The following CCDC146 variants were observed in gnomAD, a reference collection of about 807,000 sequenced individuals.
CCDC146 encodes the protein coiled-coil domain-containing protein 146.
Under a neutral mutation model 119.3 loss-of-function variants are expected in CCDC146, and 92 were observed. The observed-to-expected ratio is 0.77, with a 90% CI of 0.65 to 0.92. The LOEUF is 0.92. Among genes scored for constraint, CCDC146 ranks in the 40% least tolerant of loss-of-function variants. The probability of loss-of-function intolerance (pLI) is 0.00; values close to 1 mark genes in which losing one functional copy is unlikely to be tolerated. For missense variants in CCDC146, 1,000 were observed against 1,103.0 expected (o/e 0.91, Z 1.32); for synonymous variants, 372 against 371.8 (o/e 1.00, Z -0.01).
At chr7:77,192,946 A>T (rs1791798138) in intron 2 of CCDC146, among the ~76,000 whole-genome samples, 1 of 151,290 alleles carries the variant, frequency 6.6e-6, no homozygotes, top group Non-Finnish European at 1.5e-5. Flanking sequence ...ATAAAATAAT[A>T]AAAAAAAAGA....
chr7:77,178,997 A>G (rs564789481), intron 2 of CCDC146, among the ~76,000 whole-genome samples: 80 of 152,302 alleles, frequency 5.3e-4, no homozygotes, highest in African/African-American at 1.9e-3. Context: ...TTCCTTGGCA[A>G]ATAAACAGAA....
At chr7:77,282,859 C>T (rs1230498394) in intron 15 of CCDC146, 74 bp downstream of exon 15, 1 of 1,015,194 alleles carries the variant, frequency 9.9e-7, no homozygotes. Context: ...TGGGTGAGTT[C>T]TTGCATGTAA....
intron 9 of CCDC146, among the ~76,000 whole-genome samples, chr7:77,265,733 T>C (rs1198429561): frequency 6.6e-6 from 1 of 152,170 alleles, no homozygotes; most frequent in East Asian, 1.9e-4. Context: ...AAGAAATCAA[T>C]AAACTAAAAA....
intron 1 of CCDC146, among the ~76,000 whole-genome samples, chr7:77,154,138 G>A (rs1791146479): frequency 1.3e-5 from 2 of 151,942 alleles, no homozygotes; most frequent in Non-Finnish European, 2.9e-5. Context: ...AGTTGCCAGG[G>A]GTTGGGGGAG....
chr7:77,167,027 G>A (rs1244578915), intron 1 of CCDC146, among the ~76,000 whole-genome samples: 1 of 152,134 alleles, frequency 6.6e-6, no homozygotes, highest in Non-Finnish European at 1.5e-5. Context: ...TAAACTATTT[G>A]CAATTGTAAT....
chr7:77,290,476 A>C (rs897962327), intron 17 of CCDC146, among the ~76,000 whole-genome samples: 5 of 152,234 alleles, frequency 3.3e-5, no homozygotes, highest in African/African-American at 1.2e-4. Flanking sequence ...TAAAAAAGGA[A>C]AGGCAGCAAC....
chr7:77,272,245 G>A (rs1456478901), intron 9 of CCDC146, among the ~76,000 whole-genome samples: 1 of 152,168 alleles, frequency 6.6e-6, no homozygotes, highest in Admixed American at 6.5e-5. Flanking sequence ...TGTCAGACAT[G>A]TTTCACAAGA....
intron 1 of CCDC146, among the ~76,000 whole-genome samples, chr7:77,128,914 AG>A (rs1349751753): frequency 1.3e-5 from 2 of 152,138 alleles, no homozygotes; most frequent in Non-Finnish European, 2.9e-5. Flanking sequence ...CCATAACAAA[AG>A]GGGCCCACAA....
At chr7:77,161,798 GA>G (rs967797024) in intron 1 of CCDC146, among the ~76,000 whole-genome samples, 152 of 150,782 alleles carry the variant, frequency 1.0e-3, no homozygotes, top group Admixed American at 2.9e-3. Flanking sequence ...AATAATAAAA[GA>G]AAAAAAAATT....
chr7:77,131,837 G>A (rs897506018), intron 1 of CCDC146, among the ~76,000 whole-genome samples: 1 of 152,108 alleles, frequency 6.6e-6, no homozygotes, highest in Non-Finnish European at 1.5e-5. Flanking sequence ...TCTGGAAAAG[G>A]CTAAATAAAA....
intron 1 of CCDC146, among the ~76,000 whole-genome samples, chr7:77,136,220 A>T (rs576145926): frequency 4.6e-5 from 7 of 152,310 alleles, no homozygotes; most frequent in African/African-American, 1.7e-4. Flanking sequence ...CCACCTTAGA[A>T]TACTAGAAAA....
At chr7:77,272,720 C>G (rs184793482) in intron 9 of CCDC146, among the ~76,000 whole-genome samples, 1 of 152,024 alleles carries the variant, frequency 6.6e-6, no homozygotes, top group Admixed American at 6.5e-5. Context: ...CTCCTCTCTA[C>G]TCTCGTCTTC....
At chr7:77,191,426 T>G (rs1028684006) in intron 2 of CCDC146, among the ~76,000 whole-genome samples, 1 of 152,204 alleles carries the variant, frequency 6.6e-6, no homozygotes, top group Non-Finnish European at 1.5e-5. Context: ...TGGCAACATA[T>G]TATTAATCAC....
chr7:77,143,302 G>A (rs554481543), intron 1 of CCDC146, among the ~76,000 whole-genome samples: 1 of 151,882 alleles, frequency 6.6e-6, no homozygotes, highest in East Asian at 1.9e-4. Context: ...GTTCTTTGTA[G>A]ATTCTGGATA....
intron 1 of CCDC146, among the ~76,000 whole-genome samples, chr7:77,131,882 A>G (rs1417307958): frequency 1.3e-5 from 2 of 152,332 alleles, no homozygotes; most frequent in East Asian, 3.9e-4. Flanking sequence ...GCCAGGAGTT[A>G]CATGTGGAGA....
chr7:77,155,029 C>G (rs1791161020), intron 1 of CCDC146, among the ~76,000 whole-genome samples: 1 of 152,222 alleles, frequency 6.6e-6, no homozygotes, highest in South Asian at 2.1e-4. Context: ...TAGACCTACC[C>G]AGGCATTCCA....
chr7:77,210,283 C>A (rs1562834136), intron 2 of CCDC146, among the ~76,000 whole-genome samples: 1 of 152,162 alleles, frequency 6.6e-6, no homozygotes, highest in African/African-American at 2.4e-5. Context: ...TTTCTTCCAC[C>A]AGATACCCTA....
chr7:77,273,888 T>A, intron 10 of CCDC146, 99 bp downstream of exon 10: 2 of 665,594 alleles, frequency 3.0e-6, no homozygotes, highest in Non-Finnish European at 5.2e-6. Flanking sequence ...AAGAGAGTCA[T>A]CAAAGAGAGT....
chr7:77,132,489 G>T (rs919042942), intron 1 of CCDC146, among the ~76,000 whole-genome samples: 7 of 149,012 alleles, frequency 4.7e-5, no homozygotes, highest in African/African-American at 1.8e-4. Flanking sequence ...AGCCGAGATG[G>T]GAGGATCACT....
Sources: allele counts gnomAD v4.1 joint callset (sites outside exome capture counted in the v4.1 genomes callset), GRCh38; gene constraint gnomAD v4.1.1; transcripts MANE v1.5; gene names NCBI Gene and HGNC (gene_info 2026-07-23, HGNC 2026-07-21).